TANGO6: variants seen among roughly 807,000 people sequenced by gnomAD.
The protein encoded by TANGO6 is transport and Golgi organization protein 6 homolog.
In TANGO6, 90 loss-of-function variants were observed where a neutral mutation model predicts 114.2. The ratio of observed to expected loss-of-function variants is 0.79; its 90% CI spans 0.66 to 0.94. The LOEUF is 0.94. TANGO6 is among the 40% of genes least tolerant of loss of function. TANGO6 has a pLI of 0.00. For synonymous variants in TANGO6, 477 were observed against 509.8 expected (o/e 0.94, Z 0.87); for missense variants, 1,274 against 1,315.3 (o/e 0.97, Z 0.49).
chr16:68,864,426 A>T lies in TANGO6; in HGVS notation c.852+1365A>T, dbSNP rs969735970. Reference sequence around the variant, plus strand: ...CCTGTCCCTAGAAAAGATAAAAAATAAAAAACTAGCCAAGTGTGGTAGCAT... The same window carrying T: ...CCTGTCCCTAGAAAAGATAAAAAATTAAAAACTAGCCAAGTGTGGTAGCAT... On this transcript the variant is annotated intron_variant, in intron 3 of 17. Transcript: ENST00000261778. Among the ~76,000 whole-genome samples, 40 of 152,046 alleles carry T rather than the reference A, an allele frequency of 2.6e-4. 1 individual carries two copies. Among genetic ancestry groups the T allele is most frequent in the African/African-American group, 9.7e-4 (40 of 41,404 alleles).
At position 68,924,524 on chromosome 16, in the gene TANGO6, A is replaced by G. The variant is rs186406085; in HGVS notation, c.2128-3044A>G. Among the ~76,000 whole-genome samples the G allele has an allele frequency of 1.5e-3, 220 of 151,550 alleles. No individual in the cohort carries two copies. In the Middle Eastern group the frequency reaches 0.017, roughly 12 times the overall value. ...GCTCCTCAGCTGGGCACGGTGGCTC[A>G]TGCCTGTAATCCCAGCACTTTGGGA... On this transcript the variant is annotated intron_variant, in intron 12 of 17. Coordinates refer to ENST00000261778, the MANE Select transcript of TANGO6 (RefSeq NM_024562.2).
chr16:68,856,356 T>C (rs1961992930), intron 1 of TANGO6, among the ~76,000 whole-genome samples: 1 of 152,212 alleles, frequency 6.6e-6, no homozygotes, highest in African/African-American at 2.4e-5. Flanking sequence ...ATCACGTGGG[T>C]TTTCTCCTTA....
chr16:69,047,664 C>T (rs1959884799), intron 17 of TANGO6, among the ~76,000 whole-genome samples: 1 of 152,062 alleles, frequency 6.6e-6, no homozygotes, highest in African/African-American at 2.4e-5. Flanking sequence ...AAAAGTTGAT[C>T]TTAAAAAAAT....
At chr16:69,021,949 A>G (rs1034741550) in intron 15 of TANGO6, among the ~76,000 whole-genome samples, 1 of 149,516 alleles carries the variant, frequency 6.7e-6, no homozygotes, top group East Asian at 2.0e-4. Context: ...GCAGTGGCGC[A>G]ATCTCGGCTC....
intron 4 of TANGO6, among the ~76,000 whole-genome samples, chr16:68,872,741 G>A (rs1430184461): frequency 6.6e-6 from 1 of 150,988 alleles, no homozygotes; most frequent in Non-Finnish European, 1.5e-5. Context: ...CAACTTCCCA[G>A]GCTGGAATGC....
At chr16:69,002,946 G>A (rs1413933428) in intron 15 of TANGO6, among the ~76,000 whole-genome samples, 1 of 151,820 alleles carries the variant, frequency 6.6e-6, no homozygotes, top group Non-Finnish European at 1.5e-5. Flanking sequence ...GGAGGCTGAG[G>A]CACCAGAATC....
chr16:69,069,397 T>G (rs2152242579), intron 17 of TANGO6, among the ~76,000 whole-genome samples: 1 of 152,338 alleles, frequency 6.6e-6, no homozygotes, highest in South Asian at 2.1e-4. Flanking sequence ...CAAAATCACA[T>G]CTTGGGCAAG....
intron 15 of TANGO6, among the ~76,000 whole-genome samples, chr16:68,995,755 C>G (rs1210589387): frequency 6.6e-6 from 1 of 152,148 alleles, no homozygotes; most frequent in Non-Finnish European, 1.5e-5. Flanking sequence ...TCTACCCATG[C>G]CTTACGAAGT....
intron 1 of TANGO6, among the ~76,000 whole-genome samples, chr16:68,849,546 G>A (rs1183298738): frequency 6.6e-6 from 1 of 151,926 alleles, no homozygotes; most frequent in Non-Finnish European, 1.5e-5. Context: ...TGTGGTCCCC[G>A]ATGCTTTGGA....
chr16:68,964,701 G>C (rs897408645), intron 14 of TANGO6, among the ~76,000 whole-genome samples: 4 of 151,618 alleles, frequency 2.6e-5, no homozygotes, highest in Non-Finnish European at 4.4e-5. Context: ...CGAGTAGCTG[G>C]GATTCTAGGG....
At chr16:68,998,193 G>C (rs902136686) in intron 15 of TANGO6, among the ~76,000 whole-genome samples, 1 of 152,078 alleles carries the variant, frequency 6.6e-6, no homozygotes, top group African/African-American at 2.4e-5. Flanking sequence ...GCTAATATGA[G>C]GTCATGCCCA....
intron 15 of TANGO6, among the ~76,000 whole-genome samples, chr16:68,998,485 G>A (rs757784588): frequency 3.3e-5 from 5 of 152,028 alleles, no homozygotes; most frequent in East Asian, 1.9e-4. Flanking sequence ...TAATCCCAGC[G>A]CTTTGGGAGG....
chr16:68,867,014 A>G (rs1962188665), intron 3 of TANGO6, 65 bp from the exon 4 acceptor site: 3 of 858,992 alleles, frequency 3.5e-6, no homozygotes, highest in Non-Finnish European at 4.9e-6. Flanking sequence ...GGCATGAGCC[A>G]CTACGCCCGG....
At chr16:68,926,392 G>T (rs1033124383) in intron 12 of TANGO6, among the ~76,000 whole-genome samples, 2 of 151,736 alleles carry the variant, frequency 1.3e-5, no homozygotes, top group Non-Finnish European at 2.9e-5. Flanking sequence ...TACTCGGGAG[G>T]CTGAGGCAGG....
At position 68,907,472 on chromosome 16, in the gene TANGO6, A is replaced by G. The variant is rs1377003215; in HGVS notation, c.1697A>G (p.Gln566Arg). 1.6e-5 allele frequency: 25 copies of G among 1,611,064 alleles called. No homozygotes were observed. Among genetic ancestry groups the G allele is most frequent in the Non-Finnish European group, 2.1e-5 (25 of 1,179,176 alleles). The change falls in exon 10 of 18, where the codon CAG (glutamine) becomes CGG (arginine). Residue 566 changes from glutamine to arginine, a missense_variant. Physicochemically the swap from Gln to Arg is conservative, Grantham distance 43 (BLOSUM62 1). Around this residue, in one of 5 missense-constraint regions of TANGO6, gnomAD observed 908 missense variants for 910.2 expected, o/e 1.00. Transcript: ENST00000261778. ...GAAGATGAAGATGAAGCCCTGTACC[A>G]GAAGGTATCCTCTGAGCAGGGCCGG... ...SDEDEDEALY[Q>R]KVSSEQGRVE...
intron 15 of TANGO6, among the ~76,000 whole-genome samples, chr16:68,974,586 G>A (rs1218413114): frequency 6.6e-6 from 1 of 152,106 alleles, no homozygotes; most frequent in South Asian, 2.1e-4. Flanking sequence ...GCTTGAACCT[G>A]GGAGGCAGAG....
intron 4 of TANGO6, among the ~76,000 whole-genome samples, chr16:68,868,845 G>A (rs751897122): frequency 7.2e-5 from 11 of 151,934 alleles, no homozygotes; most frequent in Non-Finnish European, 1.5e-4. Flanking sequence ...TCAGTTTCAG[G>A]CATCATGTAT....
chr16:69,052,680 G>T (rs1224363220), intron 17 of TANGO6, among the ~76,000 whole-genome samples: 1 of 152,092 alleles, frequency 6.6e-6, no homozygotes, highest in Non-Finnish European at 1.5e-5. Context: ...CAGTCCAGTG[G>T]CTTTGGCTTC....
At chr16:68,846,675 T>TC (rs1428567093) in intron 1 of TANGO6, 1 of 168,148 alleles carries the variant, frequency 5.9e-6, no homozygotes. Context: ...TTCTTTTTTT[T>TC]TTTTTTTTTT....
Sources: allele counts gnomAD v4.1 joint callset (sites outside exome capture counted in the v4.1 genomes callset), GRCh38; gene constraint gnomAD v4.1.1; regional missense constraint gnomAD v4.1.1; transcripts MANE v1.5; gene names NCBI Gene and HGNC (gene_info 2026-07-23, HGNC 2026-07-21).